RAB21: variants seen among roughly 807,000 people sequenced by gnomAD.
RAB21 encodes ras-related protein Rab-21.
A neutral mutation model predicts 33.1 loss-of-function variants in RAB21; 13 were observed. That is an observed-to-expected ratio of 0.39 (90% CI 0.26 to 0.62). The LOEUF is 0.62. Among genes scored for constraint, RAB21 ranks in the 20% least tolerant of loss-of-function variants. The probability of loss-of-function intolerance (pLI) is 0.48; values close to 1 mark genes in which losing one functional copy is unlikely to be tolerated. For missense variants in RAB21, 234 were observed against 279.1 expected (o/e 0.84, Z 1.15); for synonymous variants, 91 against 103.7 (o/e 0.88, Z 0.74).
In RAB21 at chr12:71,785,849, G is replaced by T; in HGVS notation, c.*176G>T. ...TTAAGTGCTAAACTTAGTGGAGTTTGTGACCAGAGAATTGGCATTTTCTAC... is the reference window on the plus strand; with the variant it reads ...TTAAGTGCTAAACTTAGTGGAGTTTTTGACCAGAGAATTGGCATTTTCTAC... On this transcript the variant is annotated 3_prime_UTR_variant, in exon 7 of 7. Transcript: ENST00000261263. The T allele has an allele frequency of 1.7e-6, 1 of 602,760 alleles. No individual in the cohort carries two copies. The highest frequency in any genetic ancestry group is 2.6e-6 in the Non-Finnish European group (1 of 381,962). The allele number at this position is 602,760 out of a possible 1,614,324, so 37.3% of individuals were successfully genotyped here. A position where few individuals can be genotyped will look rare whatever the true frequency, so the allele number is the denominator to read the frequency against.
rs552087758 is a variant in RAB21 at position 71,777,234 on chromosome 12, G to A, written c.391+3212G>A. On this transcript the variant is annotated intron_variant, in intron 4 of 6. Coordinates refer to ENST00000261263, the MANE Select transcript of RAB21 (RefSeq NM_014999.4). The stretch of plus-strand genomic sequence containing the variant: ...TTTCCCCTCACCATTCCCCACCCCC[G>A]TCACTATCCTTTTTACTGCATGAAT... 1.9e-4 allele frequency among the ~76,000 whole-genome samples: 29 copies of A among 151,928 alleles called. No individual in the cohort carries two copies. The East Asian group carries it at 4.6e-3, about 24-fold the overall frequency.
At chr12:71,757,075 GA>G (rs1212812825) in intron 1 of RAB21, among the ~76,000 whole-genome samples, 2 of 152,056 alleles carry the variant, frequency 1.3e-5, no homozygotes, top group African/African-American at 4.8e-5. Context: ...TTTATGCAAA[GA>G]TCTAAGATAA....
chr12:71,775,724 A>G (rs2137651887), intron 4 of RAB21, among the ~76,000 whole-genome samples: 1 of 152,136 alleles, frequency 6.6e-6, no homozygotes, highest in African/African-American at 2.4e-5. Flanking sequence ...TTTAGTAGAG[A>G]CAGGGTTTCA....
chr12:71,757,824 T>A (rs1342054932), intron 1 of RAB21, among the ~76,000 whole-genome samples: 1 of 152,222 alleles, frequency 6.6e-6, no homozygotes, highest in African/African-American at 2.4e-5. Context: ...ACTTTGTATT[T>A]TATAAAGTAC....
chr12:71,754,977 T>C lies in RAB21; in HGVS notation c.-153T>C. On this transcript the variant is annotated 5_prime_UTR_variant, in exon 1 of 7. Coordinates refer to ENST00000261263, the MANE Select transcript of RAB21 (RefSeq NM_014999.4). ...TCATTCTCGGACTTTCCCTCAGCCC[T>C]TCCAGGCCTCGCCCGAGGAGGGCGT... The C allele has an allele frequency of 1.4e-6, 1 of 713,962 alleles. No homozygotes were observed. Among genetic ancestry groups the C allele is most frequent in the Non-Finnish European group, 1.7e-6 (1 of 578,584 alleles). The allele number at this position is 713,962 out of a possible 1,614,324, so 44.2% of individuals were successfully genotyped here.
intron 5 of RAB21, 111 bp downstream of exon 5, chr12:71,782,196 G>T (rs1251873477): frequency 3.9e-6 from 4 of 1,036,450 alleles, no homozygotes; most frequent in Non-Finnish European, 4.3e-6. Flanking sequence ...ATGGATTGAG[G>T]TGTTGGATTC....
rs74697231 is a variant in RAB21, at chr12:71,778,624, C to T, written c.392-3407C>T. The stretch of plus-strand genomic sequence containing the variant: ...AGTGAATAAGTAAACAAAATAGATA[C>T]GGTTCTTGTCCTCCCAGAGTCTCTT... On this transcript the variant is annotated intron_variant, in intron 4 of 6. Transcript: ENST00000261263. 9.4e-3 allele frequency among the ~76,000 whole-genome samples: 1,424 copies of T among 152,202 alleles called. 32 individuals are homozygous for T. Among genetic ancestry groups the T allele is most frequent in the African/African-American group, 0.033 (1,358 of 41,536 alleles).
In RAB21 at chr12:71,792,877, G is replaced by A. The variant is rs328753; in HGVS notation, c.*7204G>A. 43,227 of 152,128 alleles carry A rather than the reference G, an allele frequency of 0.28. 8,370 individuals carry two copies. The highest frequency in any genetic ancestry group is 0.52 in the African/African-American group (21,371 of 41,452). The allele number at this position is 152,128 out of a possible 1,614,324, so 9.4% of individuals were successfully genotyped here. A position where few individuals can be genotyped will look rare whatever the true frequency, so the allele number is the denominator to read the frequency against. On this transcript the variant is annotated 3_prime_UTR_variant, in exon 7 of 7. Transcript: ENST00000261263. ...CTGTGCACACATGTTCACATTCTGT[G>A]TTTGATCAGATATGTACCTGCCAAA... is the stretch of plus-strand genomic sequence containing the variant.
chr12:71,776,585 G>A (rs1365258906), intron 4 of RAB21, among the ~76,000 whole-genome samples: 3 of 151,990 alleles, frequency 2.0e-5, no homozygotes, highest in African/African-American at 4.8e-5. Flanking sequence ...TTAGTGTGAA[G>A]TATAGAAAGC....
Position 71,793,086 on chromosome 12 carries a change from A to G in RAB21, c.*7413A>G, listed in dbSNP as rs946951770. The G allele has an allele frequency of 1.3e-5, 2 of 152,202 alleles. No homozygotes were observed. Among genetic ancestry groups the G allele is most frequent in the African/African-American group, 4.8e-5 (2 of 41,458 alleles). The allele number at this position is 152,202 out of a possible 1,614,324, so 9.4% of individuals were successfully genotyped here. A position where few individuals can be genotyped will look rare whatever the true frequency, so the allele number is the denominator to read the frequency against. ...TCCTCTAACCCAAATTGCTTTTCCA[A>G]ATTTTGTGGTAGCAGTGAATAAACT... is the stretch of plus-strand genomic sequence containing the variant. On this transcript the variant is annotated 3_prime_UTR_variant, in exon 7 of 7. Transcript: ENST00000261263.
chr12:71,774,757 A>C (rs948095105), intron 4 of RAB21, among the ~76,000 whole-genome samples: 1 of 56,412 alleles, frequency 1.8e-5, no homozygotes, highest in Non-Finnish European at 2.7e-5. Context: ...ACTGTGTCTT[A>C]AAAAAAAAAA....
At chr12:71,782,535 T>C (rs757320843) in intron 5 of RAB21, 35 bp from the exon 6 acceptor site, 2 of 1,408,424 alleles carry the variant, frequency 1.4e-6, no homozygotes, top group East Asian at 4.6e-5. Flanking sequence ...ATGAATAATA[T>C]TTTACATCAA....
At chr12:71,767,277 G>A (rs954465313) in intron 1 of RAB21, among the ~76,000 whole-genome samples, 1 of 151,964 alleles carries the variant, frequency 6.6e-6, no homozygotes, top group Non-Finnish European at 1.5e-5. Flanking sequence ...TAAATTTGCC[G>A]TGGGAGAGTG....
At position 71,785,581 on chromosome 12, in the gene RAB21, A is replaced by G. The variant is rs377048985; in HGVS notation, c.586A>G (p.Ser196Gly). The G allele has an allele frequency of 2.5e-5, 41 of 1,614,086 alleles. No homozygotes were observed. The highest frequency in any genetic ancestry group is 3.1e-5 in the Non-Finnish European group (36 of 1,180,030). ...TGAGAGAGCAAAAGGCAATGGCTCT[A>G]GTCAGCCGGGAACTGCAAGGCGAGG... ...VDERAKGNGSSQPGTARRGVQ... is the reference protein window; with the variant it reads ...VDERAKGNGSGQPGTARRGVQ... Residue 196 changes from serine to glycine, a missense_variant, in exon 7 of 7, where the codon AGT becomes GGT. Transcript: ENST00000261263.
intron 3 of RAB21, among the ~76,000 whole-genome samples, chr12:71,773,460 A>G (rs1374109319): frequency 6.6e-6 from 1 of 152,210 alleles, no homozygotes; most frequent in Non-Finnish European, 1.5e-5. Context: ...GTCGTACACT[A>G]AATGATTGAA....
At chr12:71,757,189 A>G (rs1039143452) in intron 1 of RAB21, among the ~76,000 whole-genome samples, 8 of 152,098 alleles carry the variant, frequency 5.3e-5, no homozygotes, top group Admixed American at 2.6e-4. Flanking sequence ...ACTCACTGCA[A>G]CCTCCACCTC....
At chr12:71,769,063 T>A (rs981070221) in intron 1 of RAB21, among the ~76,000 whole-genome samples, 1 of 152,180 alleles carries the variant, frequency 6.6e-6, no homozygotes, top group Admixed American at 6.5e-5. Flanking sequence ...CCCTGTGGGA[T>A]GGAGTCATGT....
intron 3 of RAB21, among the ~76,000 whole-genome samples, chr12:71,772,238 C>A (rs996237406): frequency 3.9e-4 from 59 of 152,242 alleles, no homozygotes; most frequent in African/African-American, 1.4e-3. Flanking sequence ...GGTGTGTTAT[C>A]ATCCAGTACT....
In RAB21 at chr12:71,788,548, T is replaced by C. The variant is rs528565026; in HGVS notation, c.*2875T>C. ...AGATGATAAACCAAGGCTGAGGAAA[T>C]TTTTCTGATGCTTTCTTCATTTCTC... On this transcript the variant is annotated 3_prime_UTR_variant, in exon 7 of 7. Transcript: ENST00000261263. 6.6e-6 allele frequency: 1 copy of C among 152,242 alleles called. No individual in the cohort carries two copies. Among genetic ancestry groups the C allele is most frequent in the South Asian group, 2.1e-4 (1 of 4,816 alleles). The allele number at this position is 152,242 out of a possible 1,614,324, so 9.4% of individuals were successfully genotyped here.
Sources: allele counts gnomAD v4.1 joint callset (sites outside exome capture counted in the v4.1 genomes callset), GRCh38; gene constraint gnomAD v4.1.1; transcripts MANE v1.5; gene names NCBI Gene and HGNC (gene_info 2026-07-23, HGNC 2026-07-21).